PHF10: variants seen among roughly 807,000 people sequenced by gnomAD.
The protein encoded by PHF10 is BRG1-associated factor 45a.
In PHF10, 51 loss-of-function variants were observed where a neutral mutation model predicts 68.5. The ratio of observed to expected loss-of-function variants is 0.74; its 90% CI spans 0.59 to 0.94. PHF10 has a LOEUF of 0.94. PHF10 is among the 40% of genes least tolerant of loss of function. The pLI, the probability that PHF10 is intolerant of heterozygous loss-of-function variation, is 0.00. For synonymous variants in PHF10, 204 were observed against 203.5 expected, an observed-to-expected ratio of 1.00 and a Z score of -0.02; for missense variants, 460 against 602.6, an observed-to-expected ratio of 0.76 and a Z score of 2.48.
rs116562447 is a variant in PHF10, at chr6:169,711,670, T to C, written c.957+716A>G. ...ACTTTAATACTTGAACAGTATCTTA[T>C]TTTGCATAATATGTATTATTAAAGA... On this transcript the variant is annotated intron_variant, in intron 8 of 11. Transcript: ENST00000339209. Among the ~76,000 whole-genome samples the C allele has an allele frequency of 4.6e-3, 699 of 152,354 alleles. 8 individuals are homozygous for C. Among genetic ancestry groups the C allele is most frequent in the African/African-American group, 0.016 (670 of 41,582 alleles).
At chr6:169,710,677 T>G (rs569303218) in intron 8 of PHF10, among the ~76,000 whole-genome samples, 1 of 152,202 alleles carries the variant, frequency 6.6e-6, no homozygotes, top group Non-Finnish European at 1.5e-5. Context: ...ATTATCCGCT[T>G]CAGCTACTAT....
At chr6:169,712,641 G>T (rs568427930) in intron 7 of PHF10, 102 bp from the exon 8 acceptor site, 2 of 923,878 alleles carry the variant, frequency 2.2e-6, no homozygotes, top group Admixed American at 6.2e-5. Context: ...GAGTAACCCC[G>T]AAGACTTTTG....
rs764189333 is a variant in PHF10 at position 169,716,092 on chromosome 6, T to G, written c.410-4A>C. On this transcript the variant is annotated splice_region_variant and splice_polypyrimidine_tract_variant and intron_variant, in intron 4 of 11. Transcript: ENST00000339209. Reference sequence around the variant, plus strand: ...TCACTGCGCAATGCTGTTAAGCCTATTTTAGACCAAAAAATAAAAAAATAA... The same window carrying G: ...TCACTGCGCAATGCTGTTAAGCCTAGTTTAGACCAAAAAATAAAAAAATAA... The G allele has an allele frequency of 2.6e-6, 4 of 1,540,756 alleles. No individual in the cohort carries two copies. In the South Asian group the frequency reaches 5.0e-5, roughly 19 times the overall value.
At chr6:169,704,992 C>A (rs879064523) in intron 11 of PHF10, 141 bp downstream of exon 11, 3 of 538,386 alleles carry the variant, frequency 5.6e-6, no homozygotes, top group Non-Finnish European at 9.7e-6. Flanking sequence ...TGGACATGAC[C>A]TGTATAATCA....
At chr6:169,721,300 T>C (rs1363692221) in intron 1 of PHF10, among the ~76,000 whole-genome samples, 189 bp from the exon 2 acceptor site, 1 of 152,136 alleles carries the variant, frequency 6.6e-6, no homozygotes, top group Non-Finnish European at 1.5e-5. Flanking sequence ...TTCAATCCAA[T>C]CCAAATAAGA....
At chr6:169,723,066 G>A (rs1789218731) in intron 1 of PHF10, among the ~76,000 whole-genome samples, 1 of 152,232 alleles carries the variant, frequency 6.6e-6, no homozygotes, top group South Asian at 2.1e-4. Context: ...GCTACAGGAC[G>A]GCTTCCCCTG....
At chr6:169,705,757 C>G (rs566759957) in intron 9 of PHF10, 33 bp from the exon 10 acceptor site, 1 of 1,013,338 alleles carries the variant, frequency 9.9e-7, no homozygotes, top group East Asian at 2.4e-5. Context: ...TAAATTCATG[C>G]CAGAAGAGCT....
intron 8 of PHF10, 72 bp from the exon 9 acceptor site, chr6:169,710,463 T>C (rs1788903218): frequency 9.6e-7 from 1 of 1,042,724 alleles, no homozygotes; most frequent in Non-Finnish European, 1.5e-6. Flanking sequence ...TTGAAAACTA[T>C]GGAAAATATT....
chr6:169,712,406 G>A lies in PHF10; in HGVS notation c.937C>T (p.Arg313Trp), dbSNP rs952577938. Residue 313 changes from arginine (R) to tryptophan (W), a missense_variant, in exon 8 of 12, where the codon CGG becomes TGG. Physicochemically the swap from Arg to Trp is moderately radical, Grantham distance 101 (BLOSUM62 -3). Coordinates refer to ENST00000339209, the MANE Select transcript of PHF10 (RefSeq NM_018288.4). ...DGEDGRGDEK[R>W]KNKGTSDSSS... ...CTCACCGAAGTGCCTTTATTTTTCCGTTTCTCATCACCTCGACCATCTTCG... is the reference window on the plus strand; with the variant it reads ...CTCACCGAAGTGCCTTTATTTTTCCATTTCTCATCACCTCGACCATCTTCG... 4.3e-6 allele frequency: 7 copies of A among 1,613,844 alleles called. No homozygotes were observed. The South Asian group carries it at 4.4e-5, about 10-fold the overall frequency.
chr6:169,723,324 TA>T (rs2128331946), intron 1 of PHF10, among the ~76,000 whole-genome samples: 1 of 152,320 alleles, frequency 6.6e-6, no homozygotes, highest in African/African-American at 2.4e-5. Context: ...CCTCAAGCAG[TA>T]AAAAGTTTTA....
intron 9 of PHF10, chr6:169,708,942 T>C (rs1788867220): frequency 6.6e-6 from 1 of 152,184 alleles, no homozygotes; most frequent in Non-Finnish European, 1.5e-5. Context: ...AGCATTAATT[T>C]ATATAAAGAA....
chr6:169,707,746 T>C (rs908081395), intron 9 of PHF10: 1 of 152,156 alleles, frequency 6.6e-6, no homozygotes, highest in Non-Finnish European at 1.5e-5. Context: ...AAATTCTAGG[T>C]TTATTTCTAA....
intron 5 of PHF10, 31 bp from the exon 6 acceptor site, chr6:169,715,888 A>AT (rs779571536): frequency 1.2e-6 from 2 of 1,600,104 alleles, no homozygotes; most frequent in East Asian, 4.5e-5. Context: ...TGGAAGTCAC[A>AT]TATAACTTTC....
intron 7 of PHF10, among the ~76,000 whole-genome samples, chr6:169,713,114 A>G (rs924778328): frequency 6.6e-6 from 1 of 152,154 alleles, no homozygotes; most frequent in African/African-American, 2.4e-5. Context: ...GTCTGAAACT[A>G]TATTGGCAAT....
intron 3 of PHF10, among the ~76,000 whole-genome samples, 179 bp from the exon 4 acceptor site, chr6:169,718,085 G>A (rs1459395409): frequency 1.3e-5 from 2 of 151,984 alleles, no homozygotes; most frequent in African/African-American, 4.8e-5. Flanking sequence ...AGATACAAAA[G>A]TTAGAATAAA....
intron 7 of PHF10, among the ~76,000 whole-genome samples, chr6:169,714,499 C>T (rs1233637869): frequency 6.6e-6 from 1 of 152,198 alleles, no homozygotes; most frequent in Non-Finnish European, 1.5e-5. Context: ...CTGTCTCTAA[C>T]AAACCCAAAC....
Position 169,712,609 on chromosome 6 carries a change from TGAA to T in PHF10, c.804-73_804-71del. The T allele has an allele frequency of 2.2e-6, 3 of 1,350,228 alleles. 1 individual carries two copies. In the Admixed American group the frequency reaches 6.8e-5, roughly 31 times the overall value. 83.6% of individuals were successfully genotyped at this position (1,350,228 alleles called of 1,614,324 possible). A position where few individuals can be genotyped will look rare whatever the true frequency, so the allele number is the denominator to read the frequency against. On this transcript the variant is annotated intron_variant, in intron 7 of 11. Transcript: ENST00000339209. The stretch of plus-strand genomic sequence containing the variant: ...TATAAACAGACTCATCTTTGACCTA[TGAA>T]GATAGCCTTAAACTTCTTGAGTAAC...
At position 169,705,061 on chromosome 6, in the gene PHF10, T is replaced by G; in HGVS notation, c.1411+72A>C. ...AAGCTCTTCATGTCATGATAGCGTT[T>G]ATGCAGCCTTTTGGAGTGCTGGGAG... On this transcript the variant is annotated intron_variant, in intron 11 of 11. Transcript: ENST00000339209. The G allele has an allele frequency of 2.6e-6, 3 of 1,159,326 alleles. No individual in the cohort carries two copies. In the South Asian group the frequency reaches 5.0e-5, roughly 19 times the overall value. 71.8% of individuals were successfully genotyped at this position (1,159,326 alleles called of 1,614,324 possible).
intron 1 of PHF10, among the ~76,000 whole-genome samples, chr6:169,723,111 A>AGGCT (rs1789221120): frequency 6.6e-6 from 1 of 152,344 alleles, no homozygotes; most frequent in South Asian, 2.1e-4. Context: ...CACCGCACGA[A>AGGCT]GGCTGGCTGG....
Sources: gnomAD v4.1 joint callset for allele counts (sites outside exome capture counted in the v4.1 genomes callset) on GRCh38, gnomAD v4.1.1 for gene constraint, MANE v1.5 for transcripts, NCBI Gene and HGNC (gene_info 2026-07-23, HGNC 2026-07-21) for gene names.